The following IGSF10 variants were observed in gnomAD, a reference collection of about 807,000 sequenced individuals.
The protein encoded by IGSF10 is calvaria mechanical force protein 608.
In IGSF10, 126 loss-of-function variants were observed where a neutral mutation model predicts 128.2. The observed-to-expected ratio is 0.98, with a 90% CI of 0.85 to 1.14. The LOEUF (loss-of-function observed/expected upper bound fraction) is 1.14, where lower values mean the gene tolerates loss of function less well. Among genes scored for constraint, IGSF10 ranks in the 50% most tolerant of loss-of-function variants. The pLI is 0.00. For missense variants in IGSF10, 3,295 were observed against 3,149.8 expected (o/e 1.05, Z -1.10); for synonymous variants, 1,185 against 1,146.2 (o/e 1.03, Z -0.68).
intron 1 of IGSF10, among the ~76,000 whole-genome samples, 158 bp downstream of exon 1, chr3:151,460,788 C>T (rs1243282286): frequency 1.3e-5 from 2 of 152,072 alleles, no homozygotes; most frequent in East Asian, 3.9e-4. Flanking sequence ...GCTTTCATGC[C>T]CCCACCTTCT....
chr3:151,433,574 AC>A (rs1220312362), downstream of IGSF10: 1 of 152,448 alleles, frequency 6.6e-6, no homozygotes, highest in Admixed American at 6.5e-5. Flanking sequence ...TGAAGGTACA[AC>A]ATGTAAATCC....
upstream of IGSF10, among the ~76,000 whole-genome samples, chr3:151,463,544 TTTTTTTTTTTTTTTTTTCTG>T (rs1393755171): frequency 1.0e-4 from 11 of 105,566 alleles, no homozygotes; most frequent in East Asian, 3.9e-4. Context: ...TTTTTTTTTT[TTTTTTTTTTTTTTTTTTCTG>T]AGACGGAGTT....
chr3:151,598,980 G>A, the IGSF10 span, among the ~76,000 whole-genome samples: 10 of 152,148 alleles, frequency 6.6e-5, no homozygotes, highest in Non-Finnish European at 1.5e-4. Flanking sequence ...ACTTCCAATG[G>A]TAGTAAATAT....
At chr3:151,566,330 G>A in the IGSF10 span, among the ~76,000 whole-genome samples, 1 of 152,140 alleles carries the variant, frequency 6.6e-6, no homozygotes, top group African/African-American at 2.4e-5. Flanking sequence ...GCTCTCCCCA[G>A]AACTGAGGGA....
At chr3:151,505,765 C>T in the IGSF10 span, among the ~76,000 whole-genome samples, 120,959 of 152,056 alleles carry the variant, frequency 0.8, 48,242 homozygotes, top group Middle Eastern at 0.9. Context: ...AAATTTTCCG[C>T]ATATACATTT....
chr3:151,523,537 C>T, the IGSF10 span, among the ~76,000 whole-genome samples: 13 of 151,948 alleles, frequency 8.6e-5, no homozygotes, highest in Middle Eastern at 3.2e-3. Flanking sequence ...ATTTGATCTT[C>T]GACAAAGCTG....
the IGSF10 span, among the ~76,000 whole-genome samples, chr3:151,479,481 C>T: frequency 2.0e-3 from 306 of 152,162 alleles, 1 homozygote; most frequent in Non-Finnish European, 3.9e-3. Context: ...GGACAATGAA[C>T]AGTGAGTCAA....
the IGSF10 span, among the ~76,000 whole-genome samples, chr3:151,470,298 C>G: frequency 5.6e-4 from 86 of 152,294 alleles, 2 homozygotes; most frequent in East Asian, 0.011. Flanking sequence ...GTTTTCAAGG[C>G]AAAAAGTCCA....
At chr3:151,474,538 C>T in the IGSF10 span, among the ~76,000 whole-genome samples, 11 of 152,104 alleles carry the variant, frequency 7.2e-5, no homozygotes, top group Admixed American at 2.6e-4. Flanking sequence ...TACTTTCCAG[C>T]GAACTATGGT....
At chr3:151,597,419 G>A in the IGSF10 span, among the ~76,000 whole-genome samples, 2 of 152,224 alleles carry the variant, frequency 1.3e-5, no homozygotes, top group African/African-American at 4.8e-5. Flanking sequence ...AGCCCAGAGA[G>A]CTGGAGGATA....
At chr3:151,489,916 C>T in the IGSF10 span, among the ~76,000 whole-genome samples, 3 of 151,598 alleles carry the variant, frequency 2.0e-5, no homozygotes, top group Non-Finnish European at 4.4e-5. Flanking sequence ...CACGTCTATA[C>T]CTATGTAATG....
the IGSF10 span, among the ~76,000 whole-genome samples, chr3:151,588,602 T>A: frequency 2.0e-5 from 3 of 152,218 alleles, no homozygotes. Flanking sequence ...ATACGGTGTA[T>A]ACAATTTATG....
Position 151,436,270 on chromosome 3 carries a change from A to ACAT in IGSF10, c.*416_*418dup, listed in dbSNP as rs2108514567. 6.3e-6 allele frequency: 1 copy of ACAT among 157,806 alleles called. No homozygotes were observed. Among genetic ancestry groups the ACAT allele is most frequent in the East Asian group, 1.9e-4 (1 of 5,334 alleles). The allele number at this position is 157,806 out of a possible 1,614,324, so 9.8% of individuals were successfully genotyped here. A position where few individuals can be genotyped will look rare whatever the true frequency, so the allele number is the denominator to read the frequency against. On this transcript the variant is annotated 3_prime_UTR_variant, in exon 8 of 8. Transcript: ENST00000282466. ...ATTTATACATCAGGATGGTAAATTT[A>ACAT]CATCATAAAGATTGCAGATTTAATA...
the IGSF10 span, among the ~76,000 whole-genome samples, chr3:151,535,171 T>C: frequency 6.6e-6 from 1 of 152,198 alleles, no homozygotes; most frequent in East Asian, 1.9e-4. Flanking sequence ...CTATTAAATC[T>C]AGTTATCATC....
chr3:151,601,503 CAAAT>C, the IGSF10 span, among the ~76,000 whole-genome samples: 2 of 152,272 alleles, frequency 1.3e-5, no homozygotes, highest in African/African-American at 2.4e-5. Context: ...ACACACTTAA[CAAAT>C]AAGAAACTCT....
At chr3:151,565,521 G>T in the IGSF10 span, among the ~76,000 whole-genome samples, 1 of 152,150 alleles carries the variant, frequency 6.6e-6, no homozygotes, top group South Asian at 2.1e-4. Flanking sequence ...AGCCAGGCCT[G>T]CCTCCAGGTT....
At chr3:151,433,309 T>G (rs1351464960), downstream of IGSF10, 1 of 153,010 alleles carries the variant, frequency 6.5e-6, no homozygotes, top group Non-Finnish European at 1.5e-5. Context: ...GGACATTTAT[T>G]TGCATCGCTC....
At chr3:151,614,037 A>C in the IGSF10 span, among the ~76,000 whole-genome samples, 1 of 152,246 alleles carries the variant, frequency 6.6e-6, no homozygotes, top group Non-Finnish European at 1.5e-5. Context: ...TCTCAAAAGA[A>C]GACATTTATG....
At chr3:151,453,347 C>A in intron 5 of IGSF10, 37 bp downstream of exon 5, 1 of 1,509,734 alleles carries the variant, frequency 6.6e-7, no homozygotes, top group Non-Finnish European at 8.9e-7. Context: ...AGATTTCCTC[C>A]ACTTAATTGG....
Sources: gnomAD v4.1 joint callset for allele counts (sites outside exome capture counted in the v4.1 genomes callset) on GRCh38, gnomAD v4.1.1 for gene constraint, MANE v1.5 for transcripts, NCBI Gene and HGNC (gene_info 2026-07-23, HGNC 2026-07-21) for gene names.